LRRC8B: variants seen among roughly 807,000 people sequenced by gnomAD.
LRRC8B encodes volume-regulated anion channel subunit LRRC8B.
Under a neutral mutation model 58.8 loss-of-function variants are expected in LRRC8B, and 23 were observed. That is an observed-to-expected ratio of 0.39 (90% CI 0.28 to 0.55). The LOEUF (loss-of-function observed/expected upper bound fraction) is 0.55, where lower values mean the gene tolerates loss of function less well. Ranked by LOEUF, LRRC8B falls within the 20% of genes least tolerant of loss-of-function variation. The probability of loss-of-function intolerance (pLI) is 0.62; values close to 1 mark genes in which losing one functional copy is unlikely to be tolerated. For missense variants in LRRC8B, 694 were observed against 936.0 expected (o/e 0.74, Z 3.37); for synonymous variants, 359 against 374.1 (o/e 0.96, Z 0.47).
intron 1 of LRRC8B, among the ~76,000 whole-genome samples, chr1:89,543,264 A>G (rs1651149906): frequency 6.6e-6 from 1 of 152,160 alleles, no homozygotes; most frequent in Non-Finnish European, 1.5e-5. Context: ...TATAACCTTG[A>G]AAAGTCTTTT....
At chr1:89,576,088 C>A (rs1039843198) in intron 3 of LRRC8B, among the ~76,000 whole-genome samples, 1 of 152,206 alleles carries the variant, frequency 6.6e-6, no homozygotes, top group Non-Finnish European at 1.5e-5. Context: ...ACCTTTAAAA[C>A]ATTTGCTGGA....
intron 1 of LRRC8B, among the ~76,000 whole-genome samples, chr1:89,535,713 A>C (rs1650479729): frequency 6.6e-6 from 1 of 152,230 alleles, no homozygotes; most frequent in Non-Finnish European, 1.5e-5. Context: ...AACATTAGTT[A>C]AAGATAACCA....
chr1:89,525,137 G>C (rs553111982), intron 1 of LRRC8B, 115 bp downstream of exon 1: 1 of 152,388 alleles, frequency 6.6e-6, no homozygotes, highest in Non-Finnish European at 1.5e-5. Flanking sequence ...AACAGGTGCG[G>C]TTACCTGTTC....
At chr1:89,588,662 A>G (rs1654791526) in intron 5 of LRRC8B, among the ~76,000 whole-genome samples, 1 of 152,242 alleles carries the variant, frequency 6.6e-6, no homozygotes, top group African/African-American at 2.4e-5. Flanking sequence ...CTGAACTGGT[A>G]CCTTCAAAGG....
chr1:89,590,017 TTATG>T (rs1358340315), intron 5 of LRRC8B, among the ~76,000 whole-genome samples: 1 of 152,166 alleles, frequency 6.6e-6, no homozygotes, highest in Admixed American at 6.5e-5. Flanking sequence ...ATCATATAGC[TTATG>T]TATGTGTGTA....
At chr1:89,560,354 A>T (rs370272171) in intron 1 of LRRC8B, among the ~76,000 whole-genome samples, 1 of 152,140 alleles carries the variant, frequency 6.6e-6, no homozygotes, top group Admixed American at 6.6e-5. Context: ...TAACTCATAT[A>T]TAAGGCTTTA....
At position 89,583,050 on chromosome 1, in the gene LRRC8B, G is replaced by T; in HGVS notation, c.400G>T (p.Ala134Ser). Reference protein sequence around the residue: ...LVLLHTLIFAACSNFWLHYPS... With the variant: ...LVLLHTLIFASCSNFWLHYPS... ...GCTCTTGCACACGCTCATCTTTGCA[G>T]CCTGCAGCAACTTTTGGCTTCACTA... Residue 134 changes from alanine (A) to serine (S), a missense_variant, in exon 5 of 6, where the codon GCC (alanine) becomes TCC (serine). This residue lies in a region of LRRC8B where 316 missense variants were observed against 403.8 expected (regional missense o/e 0.78). Transcript: ENST00000330947. The surrounding 1 kb of genome is among the most constrained non-coding windows in gnomAD (Gnocchi z 5.2). 1 of 1,614,118 alleles carries T rather than the reference G, an allele frequency of 6.2e-7. No individual in the cohort carries two copies. The highest frequency in any genetic ancestry group is 8.5e-7 in the Non-Finnish European group (1 of 1,180,038).
At chr1:89,537,853 A>C (rs984396379) in intron 1 of LRRC8B, among the ~76,000 whole-genome samples, 1 of 152,228 alleles carries the variant, frequency 6.6e-6, no homozygotes, top group Admixed American at 6.5e-5. Context: ...ATAGGGTACC[A>C]TCTATAAGGA....
At chr1:89,532,108 C>A (rs1271027249) in intron 1 of LRRC8B, among the ~76,000 whole-genome samples, 1 of 152,178 alleles carries the variant, frequency 6.6e-6, no homozygotes, top group African/African-American at 2.4e-5. Flanking sequence ...TCCATGACTA[C>A]TTTCTTCTCA....
At chr1:89,584,967 G>A (rs1015369397) in intron 5 of LRRC8B, among the ~76,000 whole-genome samples, 178 bp downstream of exon 5, 1 of 152,164 alleles carries the variant, frequency 6.6e-6, no homozygotes, top group African/African-American at 2.4e-5. Context: ...AGTCATCGTG[G>A]AGATTTTATG....
intron 1 of LRRC8B, among the ~76,000 whole-genome samples, chr1:89,560,510 A>G (rs369750075): frequency 5.2e-4 from 79 of 151,158 alleles, no homozygotes; most frequent in African/African-American, 1.9e-3. Flanking sequence ...AGCATTAGGT[A>G]TATCTCCCAA....
intron 3 of LRRC8B, among the ~76,000 whole-genome samples, chr1:89,576,726 T>A (rs1653878344): frequency 3.9e-5 from 6 of 152,242 alleles, no homozygotes; most frequent in Non-Finnish European, 1.5e-5. Flanking sequence ...TCTTTCTTTC[T>A]AGGTCTCAAA....
intron 5 of LRRC8B, among the ~76,000 whole-genome samples, chr1:89,591,457 G>C (rs1173044291): frequency 2.0e-5 from 3 of 152,064 alleles, no homozygotes; most frequent in Non-Finnish European, 4.4e-5. Flanking sequence ...GAAAGTAAAG[G>C]GTAGATATTT....
chr1:89,594,553 A>G lies in LRRC8B; in HGVS notation c.*1510A>G, dbSNP rs1007788853. ...CCCTCCATCTATGTAATCTCTAGCTATGATTATAATGTAAAACAGCCTCTA... is the reference window on the plus strand; with the variant it reads ...CCCTCCATCTATGTAATCTCTAGCTGTGATTATAATGTAAAACAGCCTCTA... On this transcript the variant is annotated 3_prime_UTR_variant, in exon 6 of 6. Coordinates refer to ENST00000330947, the MANE Select transcript of LRRC8B (RefSeq NM_001369817.2). 6.6e-5 allele frequency: 10 copies of G among 152,186 alleles called. No individual in the cohort carries two copies. Among genetic ancestry groups the G allele is most frequent in the African/African-American group, 1.9e-4 (8 of 41,452 alleles). 9.4% of individuals were successfully genotyped at this position (152,186 alleles called of 1,614,324 possible).
At chr1:89,551,941 T>C (rs114363569) in intron 1 of LRRC8B, among the ~76,000 whole-genome samples, 2,611 of 152,348 alleles carry the variant, frequency 0.017, 82 homozygotes, top group African/African-American at 0.058. Context: ...TATATATTTA[T>C]ATACATGCAT....
At chr1:89,553,877 T>G (rs946070902) in intron 1 of LRRC8B, among the ~76,000 whole-genome samples, 1 of 152,190 alleles carries the variant, frequency 6.6e-6, no homozygotes, top group African/African-American at 2.4e-5. Context: ...TGCTTTCAAA[T>G]TAATTTTCTT....
chr1:89,536,438 A>C (rs1351793789), intron 1 of LRRC8B, among the ~76,000 whole-genome samples: 2 of 152,190 alleles, frequency 1.3e-5, no homozygotes, highest in East Asian at 3.9e-4. Flanking sequence ...GAGATAGATA[A>C]TTTCATAAAA....
rs573786369 is a variant in LRRC8B, at chr1:89,533,905, A to G, written c.-241+8883A>G. Among the ~76,000 whole-genome samples, 99 of 152,354 alleles carry G rather than the reference A, an allele frequency of 6.5e-4. 1 individual carries two copies. The highest frequency in any genetic ancestry group is 2.3e-3 in the African/African-American group (95 of 41,578). On this transcript the variant is annotated intron_variant, in intron 1 of 5. Coordinates refer to ENST00000330947, the MANE Select transcript of LRRC8B (RefSeq NM_001369817.2). The stretch of plus-strand genomic sequence containing the variant: ...TTGAAGGTTGGAAGTAACAAGGTAC[A>G]TTATACATGCTGTTGATAGGTATCA...
At chr1:89,591,571 A>C (rs1654977683) in intron 5 of LRRC8B, among the ~76,000 whole-genome samples, 1 of 152,214 alleles carries the variant, frequency 6.6e-6, no homozygotes, top group South Asian at 2.1e-4. Context: ...GATATACAGC[A>C]CTGAACGTGT....
Sources: gnomAD v4.1 joint callset for allele counts (sites outside exome capture counted in the v4.1 genomes callset) on GRCh38, gnomAD v4.1.1 for gene constraint, gnomAD v4.1.1 regional missense constraint, Gnocchi (gnomAD v3.1) non-coding constraint, MANE v1.5 for transcripts, NCBI Gene and HGNC (gene_info 2026-07-23, HGNC 2026-07-21) for gene names.